Variants in DGAT2 observed in about 807,000 individuals in gnomAD.
The protein encoded by DGAT2 is acyl-CoA retinol O-fatty-acyltransferase.
In DGAT2, 33 loss-of-function variants were observed where a neutral mutation model predicts 48.4. The ratio of observed to expected loss-of-function variants is 0.68; its 90% CI spans 0.52 to 0.91. DGAT2 has a LOEUF of 0.91. DGAT2 is among the 40% of genes least tolerant of loss of function. The pLI is 0.00. For missense variants in DGAT2, 446 were observed against 493.7 expected, an observed-to-expected ratio of 0.90 and a Z score of 0.92; for synonymous variants, 191 against 194.1, an observed-to-expected ratio of 0.98 and a Z score of 0.13.
At position 75,798,245 on chromosome 11, in the gene DGAT2, C is replaced by T. The variant is rs763923457; in HGVS notation, c.828C>T (p.Ile276=). Residue 276 remains isoleucine, a synonymous_variant, in exon 7 of 8, where the codon ATC becomes ATT. Transcript: ENST00000228027. ...ALRHGADLVP[I]YSFGENEVYK... is the part of the protein sequence containing the mutation. ...CTTCCAGAGCTGACCTGGTTCCCAT[C>T]TACTCCTTTGGAGAGAATGAAGTGT... 6.2e-7 allele frequency: 1 copy of T among 1,614,198 alleles called. No homozygotes were observed. The highest frequency in any genetic ancestry group is 2.2e-5 in the East Asian group (1 of 44,882).
At chr11:75,781,265 A>C (rs1347019750) in intron 1 of DGAT2, among the ~76,000 whole-genome samples, 2 of 152,242 alleles carry the variant, frequency 1.3e-5, no homozygotes, top group African/African-American at 2.4e-5. Context: ...TTCCTGGAAG[A>C]CTGCTGCCTT....
At chr11:75,793,722 C>T (rs1013381491) in intron 4 of DGAT2, 2 of 152,244 alleles carry the variant, frequency 1.3e-5, no homozygotes, top group Admixed American at 6.5e-5. Flanking sequence ...GCCAGGGTAA[C>T]TATCCCAGGC....
chr11:75,793,570 C>G (rs781421107), intron 4 of DGAT2: 1 of 152,282 alleles, frequency 6.6e-6, no homozygotes, highest in African/African-American at 2.4e-5. Flanking sequence ...AGCTTCCCCC[C>G]GTCATCCAAG....
intron 1 of DGAT2, among the ~76,000 whole-genome samples, chr11:75,778,439 C>T (rs1944824310): frequency 6.6e-6 from 1 of 152,208 alleles, no homozygotes; most frequent in African/African-American, 2.4e-5. Flanking sequence ...TCTGCTTGCT[C>T]ACTACATATA....
Position 75,798,416 on chromosome 11 carries a change from C to T in DGAT2, c.999C>T (p.Pro333=). 1 of 1,613,252 alleles carries T rather than the reference C, an allele frequency of 6.2e-7. No homozygotes were observed. Among genetic ancestry groups the T allele is most frequent in the Non-Finnish European group, 8.5e-7 (1 of 1,180,020 alleles). Residue 333 remains proline, a synonymous_variant, in exon 7 of 8, where the codon CCC becomes CCT. Coordinates refer to ENST00000228027, the MANE Select transcript of DGAT2 (RefSeq NM_032564.5). ...DTWGLVPYSK[P]ITTVVGEPIT... ...GGGGGCTGGTGCCCTACTCCAAGCCCATCACCACTGTTGGTAAGCCCCTAG... is the reference window on the plus strand; with the variant it reads ...GGGGGCTGGTGCCCTACTCCAAGCCTATCACCACTGTTGGTAAGCCCCTAG...
At chr11:75,785,467 C>T (rs1349338809) in intron 2 of DGAT2, among the ~76,000 whole-genome samples, 1 of 152,170 alleles carries the variant, frequency 6.6e-6, no homozygotes. Flanking sequence ...CACATCGGTG[C>T]TTTGGTTGCT....
At chr11:75,783,245 A>G (rs1233610519) in intron 1 of DGAT2, among the ~76,000 whole-genome samples, 1 of 152,162 alleles carries the variant, frequency 6.6e-6, no homozygotes, top group Admixed American at 6.5e-5. Context: ...GTCTGAACCT[A>G]GGTTTGACTC....
In DGAT2 at chr11:75,798,334, A is replaced by C. The variant is rs1443720597; in HGVS notation, c.917A>C (p.Tyr306Ser). ...TGGGTCCAGAAGAAGTTCCAGAAAT[A>C]CATTGGTTTCGCCCCATGCATCTTC... ...GRWVQKKFQK[Y>S]IGFAPCIFHG... Residue 306 changes from tyrosine (Y) to serine (S), a missense_variant, in exon 7 of 8, where the codon TAC becomes TCC. Physicochemically the swap from Tyr to Ser is moderately radical, Grantham distance 144. Coordinates refer to ENST00000228027, the MANE Select transcript of DGAT2 (RefSeq NM_032564.5). The C allele has an allele frequency of 6.2e-7, 1 of 1,614,174 alleles. No homozygotes were observed. The highest frequency in any genetic ancestry group is 8.5e-7 in the Non-Finnish European group (1 of 1,180,032).
At chr11:75,775,937 C>T (rs1220126091) in intron 1 of DGAT2, 1 of 152,318 alleles carries the variant, frequency 6.6e-6, no homozygotes, top group Non-Finnish European at 1.5e-5. Context: ...AGAACTCAGC[C>T]TCTAGCAGAT....
At chr11:75,776,750 A>G (rs907832318) in intron 1 of DGAT2, 2 of 152,212 alleles carry the variant, frequency 1.3e-5, no homozygotes, top group African/African-American at 2.4e-5. Flanking sequence ...CAGCTTTGCC[A>G]TGACCGGCCT....
Position 75,796,324 on chromosome 11 carries a change from G to A in DGAT2, c.430-4G>A, listed in dbSNP as rs1363337863. ...TTTCCTCTGACCCAAGGTCATCCTTGCAGCTGGTGAAGACACACAACCTGC... is the reference window on the plus strand; with the variant it reads ...TTTCCTCTGACCCAAGGTCATCCTTACAGCTGGTGAAGACACACAACCTGC... On this transcript the variant is annotated splice_region_variant and splice_polypyrimidine_tract_variant and intron_variant, in intron 4 of 7. Coordinates refer to ENST00000228027, the MANE Select transcript of DGAT2 (RefSeq NM_032564.5). 2 of 1,612,536 alleles carry A rather than the reference G, an allele frequency of 1.2e-6. No individual in the cohort carries two copies. The highest frequency in any genetic ancestry group is 1.7e-6 in the Non-Finnish European group (2 of 1,178,860).
chr11:75,796,096 G>A (rs750318791), intron 4 of DGAT2: 9 of 552,832 alleles, frequency 1.6e-5, no homozygotes, highest in East Asian at 3.1e-5. Flanking sequence ...GAGGAACAAG[G>A]GCAAACATTG....
At chr11:75,784,021 ATC>A (rs2135767862) in intron 1 of DGAT2, among the ~76,000 whole-genome samples, 1 of 152,024 alleles carries the variant, frequency 6.6e-6, no homozygotes, top group East Asian at 1.9e-4. Flanking sequence ...GAACATTTAC[ATC>A]TCTCTGAAAG....
chr11:75,772,084 G>T (rs1157274083), intron 1 of DGAT2, among the ~76,000 whole-genome samples: 1 of 152,172 alleles, frequency 6.6e-6, no homozygotes, highest in Non-Finnish European at 1.5e-5. Flanking sequence ...GGGTTGCAAG[G>T]CCGTGAAGGG....
At chr11:75,779,714 A>G (rs1590866390) in intron 1 of DGAT2, among the ~76,000 whole-genome samples, 1 of 152,182 alleles carries the variant, frequency 6.6e-6, no homozygotes, top group African/African-American at 2.4e-5. Flanking sequence ...ATCTTCCCCT[A>G]CAGCCTGTCT....
intron 4 of DGAT2, chr11:75,792,850 C>G (rs1237876201): frequency 6.6e-6 from 1 of 152,244 alleles, no homozygotes; most frequent in African/African-American, 2.4e-5. Context: ...GAGGGACTAT[C>G]CCAAGGTCAC....
chr11:75,790,665 C>T lies in DGAT2; in HGVS notation c.363C>T (p.Gly121=). 1 of 1,614,020 alleles carries T rather than the reference C, an allele frequency of 6.2e-7. No homozygotes were observed. Among genetic ancestry groups the T allele is most frequent in the Non-Finnish European group, 8.5e-7 (1 of 1,179,976 alleles). The change falls in exon 4 of 8, where the codon GGC becomes GGT. Residue 121 remains glycine, a synonymous_variant. Coordinates refer to ENST00000228027, the MANE Select transcript of DGAT2 (RefSeq NM_032564.5). ...VFDWNTPKKG[G]RRSQWVRNWA... Reference sequence around the variant, plus strand: ...CTGTATTTTATTCCCTGGAAGGTGGCAGGAGGTCACAGTGGGTCCGAAACT... The same window carrying T: ...CTGTATTTTATTCCCTGGAAGGTGGTAGGAGGTCACAGTGGGTCCGAAACT...
chr11:75,799,619 T>A (rs897768102), intron 7 of DGAT2, among the ~76,000 whole-genome samples: 14 of 152,048 alleles, frequency 9.2e-5, no homozygotes, highest in East Asian at 3.9e-4. Flanking sequence ...TTATTTTTTT[T>A]TTTTTTATTT....
chr11:75,796,219 C>T, intron 4 of DGAT2, 109 bp from the exon 5 acceptor site: 1 of 908,774 alleles, frequency 1.1e-6, no homozygotes, highest in Non-Finnish European at 1.7e-6. Flanking sequence ...AGCCCTCAGG[C>T]CCATGGAGGT....
Sources: gnomAD v4.1 joint callset for allele counts (sites outside exome capture counted in the v4.1 genomes callset) on GRCh38, gnomAD v4.1.1 for gene constraint, MANE v1.5 for transcripts, NCBI Gene and HGNC (gene_info 2026-07-23, HGNC 2026-07-21) for gene names.